The following BICRAL variants were observed in gnomAD, a reference collection of about 807,000 sequenced individuals.
BICRAL encodes the protein BICRA like chromatin remodeling complex associated protein, also known as BRD4-interacting chromatin-remodeling complex-associated protein-like.
Under a neutral mutation model 91.8 loss-of-function variants are expected in BICRAL, and 8 were observed. The observed-to-expected ratio is 0.09, with a 90% CI of 0.05 to 0.16. BICRAL has a LOEUF of 0.16. BICRAL is among the 10% of genes least tolerant of loss of function. The pLI is 1.00. For missense variants in BICRAL, 1,038 were observed against 1,310.9 expected (o/e 0.79, Z 3.21); for synonymous variants, 445 against 491.1 (o/e 0.91, Z 1.24).
intron 1 of BICRAL, among the ~76,000 whole-genome samples, chr6:42,769,417 G>A (rs1161605476): frequency 6.6e-6 from 1 of 152,182 alleles, no homozygotes; most frequent in Non-Finnish European, 1.5e-5. Context: ...TATCCTATTG[G>A]TCACCCAAAC....
intron 6 of BICRAL, among the ~76,000 whole-genome samples, chr6:42,835,744 G>A (rs760375933): frequency 1.2e-4 from 18 of 152,070 alleles, no homozygotes; most frequent in Non-Finnish European, 2.5e-4. Context: ...GACCAGCCTA[G>A]GTAACATGGT....
In BICRAL at chr6:42,852,184, C is replaced by T; in HGVS notation, c.1932C>T (p.Ser644=). The T allele has an allele frequency of 6.2e-7, 1 of 1,606,810 alleles. No individual in the cohort carries two copies. The highest frequency in any genetic ancestry group is 8.5e-7 in the Non-Finnish European group (1 of 1,173,308). ...LRQAQIPGLL[S]TTLPGQDSGS... The stretch of plus-strand genomic sequence containing the variant: ...AAGCACAGATCCCTGGGCTCTTGAG[C>T]ACCACACTGCCAGGTCAGGAGCTTC... The change falls in exon 7 of 13, where the codon AGC becomes AGT. Residue 644 remains serine, a synonymous_variant. Coordinates refer to ENST00000314073, the MANE Select transcript of BICRAL (RefSeq NM_001393499.1).
At chr6:42,849,667 C>CT (rs1328424237) in intron 6 of BICRAL, among the ~76,000 whole-genome samples, 13 of 151,590 alleles carry the variant, frequency 8.6e-5, no homozygotes, top group Non-Finnish European at 1.8e-4. Context: ...TCTCTGTCTC[C>CT]TGACCTCGTG....
intron 2 of BICRAL, among the ~76,000 whole-genome samples, chr6:42,810,723 T>G (rs1206277891): frequency 6.6e-6 from 1 of 152,236 alleles, no homozygotes; most frequent in Non-Finnish European, 1.5e-5. Context: ...TTATTACATT[T>G]ATGTCATACT....
chr6:42,746,558 CG>C (rs1308818744), upstream of BICRAL, among the ~76,000 whole-genome samples: 1 of 151,090 alleles, frequency 6.6e-6, no homozygotes, highest in East Asian at 1.9e-4. Context: ...AAAGATGGAG[CG>C]GGGGGGAATA....
Position 42,828,666 on chromosome 6 carries a change from A to G in BICRAL, c.333A>G (p.Gln111=), listed in dbSNP as rs1416591997. ...TCGACATTCTTCAGAAATCCTTGCA[A>G]GAGGCCAATATCACTGAACAGACAT... is the stretch of plus-strand genomic sequence containing the variant. ...QPFDILQKSL[Q]EANITEQTLA... is the part of the protein sequence containing the mutation. Residue 111 remains glutamine, a synonymous_variant, in exon 6 of 13, where the codon CAA becomes CAG. Coordinates refer to ENST00000314073, the MANE Select transcript of BICRAL (RefSeq NM_001393499.1). 6.2e-7 allele frequency: 1 copy of G among 1,614,112 alleles called. No individual in the cohort carries two copies. Among genetic ancestry groups the G allele is most frequent in the Admixed American group, 1.7e-5 (1 of 59,998 alleles).
At chr6:42,840,240 T>C (rs546420461) in intron 6 of BICRAL, among the ~76,000 whole-genome samples, 30 of 151,972 alleles carry the variant, frequency 2.0e-4, no homozygotes, top group East Asian at 1.9e-3. Context: ...TGTTTGTTTG[T>C]TTGTTTGTTT....
chr6:42,761,011 A>G (rs1762538509), intron 1 of BICRAL, among the ~76,000 whole-genome samples: 1 of 150,390 alleles, frequency 6.6e-6, no homozygotes, highest in African/African-American at 2.5e-5. Context: ...ACGCCACTGC[A>G]TTTCAGCCTG....
intron 5 of BICRAL, among the ~76,000 whole-genome samples, chr6:42,827,018 T>A (rs953092550): frequency 1.8e-4 from 27 of 152,066 alleles, no homozygotes; most frequent in African/African-American, 5.8e-4. Context: ...ACTCCCAACC[T>A]CAGGTGATCC....
intron 1 of BICRAL, among the ~76,000 whole-genome samples, chr6:42,793,014 G>A (rs1330324309): frequency 6.7e-6 from 1 of 148,602 alleles, no homozygotes. Flanking sequence ...GAGTGCAGTG[G>A]CACAATCTCA....
chr6:42,791,004 A>G lies in BICRAL; in HGVS notation c.-102+8903A>G, dbSNP rs979890158. ...AATCACTAACATGGTGCCTGGCTACAAGCAGAGGGAGCTCAGGACTTGACT... is the reference window on the plus strand; with the variant it reads ...AATCACTAACATGGTGCCTGGCTACGAGCAGAGGGAGCTCAGGACTTGACT... On this transcript the variant is annotated intron_variant, in intron 1 of 12. Transcript: ENST00000314073. Among the ~76,000 whole-genome samples the G allele has an allele frequency of 3.9e-5, 6 of 152,162 alleles. 1 individual carries two copies. In the Middle Eastern group the frequency reaches 0.014, roughly 345 times the overall value.
chr6:42,751,904 G>A (rs1017122221), intron 1 of BICRAL, among the ~76,000 whole-genome samples: 4 of 151,710 alleles, frequency 2.6e-5, no homozygotes, highest in Non-Finnish European at 5.9e-5. Context: ...TGATCCGCCC[G>A]CCTCAGCTTC....
Position 42,822,921 on chromosome 6 carries a change from T to C in BICRAL, c.91-14T>C. 1 of 1,595,590 alleles carries C rather than the reference T, an allele frequency of 6.3e-7. No individual in the cohort carries two copies. Among genetic ancestry groups the C allele is most frequent in the African/African-American group, 1.3e-5 (1 of 74,728 alleles). ...TTAAAGTAGTAACCACCTATTGAAT[T>C]TGTATCTTTGCAGAGCAATGATGAC... On this transcript the variant is annotated splice_polypyrimidine_tract_variant and intron_variant, in intron 4 of 12. Transcript: ENST00000314073.
At position 42,799,498 on chromosome 6, in the gene BICRAL, G is replaced by A. The variant is rs1763505812; in HGVS notation, c.-101-10808G>A. On this transcript the variant is annotated intron_variant, in intron 1 of 12. Coordinates refer to ENST00000314073, the MANE Select transcript of BICRAL (RefSeq NM_001393499.1). The stretch of plus-strand genomic sequence containing the variant: ...TTTAGTAGAGATGGGGTTTCACCGT[G>A]TTAGCCAGGATGGTCTTGATCTCTT... 3.3e-5 allele frequency among the ~76,000 whole-genome samples: 5 copies of A among 151,628 alleles called. No homozygotes were observed. The South Asian group carries it at 1.0e-3, about 32-fold the overall frequency.
intron 1 of BICRAL, among the ~76,000 whole-genome samples, chr6:42,786,244 T>C (rs1280851389): frequency 6.6e-6 from 1 of 152,232 alleles, no homozygotes; most frequent in East Asian, 1.9e-4. Flanking sequence ...AGATTTTTGA[T>C]GCAGATGTCA....
chr6:42,792,878 A>G (rs1292056995), intron 1 of BICRAL, among the ~76,000 whole-genome samples: 3 of 151,578 alleles, frequency 2.0e-5, no homozygotes, highest in African/African-American at 2.4e-5. Context: ...GTGCCACTGC[A>G]CTCCAGACTG....
chr6:42,829,236 T>C lies in BICRAL; in HGVS notation c.903T>C (p.Gly301=), dbSNP rs1764399361. 6.2e-7 allele frequency: 1 copy of C among 1,614,072 alleles called. No homozygotes were observed. The highest frequency in any genetic ancestry group is 8.5e-7 in the Non-Finnish European group (1 of 1,180,004). ...LPVHNIIIQR[G]LAPNSNKVPI... Reference sequence around the variant, plus strand: ...TGCATAACATCATCATACAAAGGGGTCTTGCACCAAATTCAAATAAAGTCC... The same window carrying C: ...TGCATAACATCATCATACAAAGGGGCCTTGCACCAAATTCAAATAAAGTCC... Residue 301 remains glycine, a synonymous_variant, in exon 6 of 13, where the codon GGT becomes GGC. Coordinates refer to ENST00000314073, the MANE Select transcript of BICRAL (RefSeq NM_001393499.1).
At position 42,766,149 on chromosome 6, in the gene BICRAL, C is replaced by T. The variant is rs6924168; in HGVS notation, c.-260-15690C>T. Among the ~76,000 whole-genome samples, 1,321 of 152,176 alleles carry T rather than the reference C, an allele frequency of 8.7e-3. 19 individuals carry two copies. Among genetic ancestry groups the T allele is most frequent in the African/African-American group, 0.029 (1,197 of 41,516 alleles). Reference sequence around the variant, plus strand: ...ATGTGAGCCACCATGCCCAGCCTTCCGGTACTTTTTCATCAATTGCTTTAG... The same window carrying T: ...ATGTGAGCCACCATGCCCAGCCTTCTGGTACTTTTTCATCAATTGCTTTAG... On this transcript the variant is annotated intron_variant, in intron 1 of 14. Transcript: ENST00000614467.
intron 6 of BICRAL, among the ~76,000 whole-genome samples, chr6:42,850,389 G>C (rs957608535): frequency 1.3e-5 from 2 of 151,624 alleles, no homozygotes; most frequent in Non-Finnish European, 1.5e-5. Flanking sequence ...GTGTGGTGGT[G>C]GGCGCCTGTA....
Sources: gnomAD v4.1 joint callset for allele counts (sites outside exome capture counted in the v4.1 genomes callset) on GRCh38, gnomAD v4.1.1 for gene constraint, MANE v1.5 for transcripts, NCBI Gene and HGNC (gene_info 2026-07-23, HGNC 2026-07-21) for gene names.